EEA1: variants seen among roughly 807,000 people sequenced by gnomAD.
The protein encoded by EEA1 is early endosome antigen 1.
In EEA1, 111 loss-of-function variants were observed where a neutral mutation model predicts 209.2. The ratio of observed to expected loss-of-function variants is 0.53; its 90% confidence interval spans 0.45 to 0.62. The LOEUF is 0.62. Among genes scored for constraint, EEA1 ranks in the 20% least tolerant of loss-of-function variants. EEA1 has a pLI of 0.00. For synonymous variants in EEA1, 536 were observed against 540.6 expected (o/e 0.99, Z 0.12); for missense variants, 1,343 against 1,530.8 (o/e 0.88, Z 2.05).
At position 92,857,457 on chromosome 12, in the gene EEA1, C is replaced by T; in HGVS notation, c.274G>A (p.Val92Ile). The T allele has an allele frequency of 6.3e-7, 1 of 1,597,644 alleles. No homozygotes were observed. Among genetic ancestry groups the T allele is most frequent in the East Asian group, 2.2e-5 (1 of 44,468 alleles). ...TTAAGTGAAGCCTGTAGGTCTTGGACCTCTTGTCTGAGCAGTGTTACATCA... is the reference window on the plus strand; with the variant it reads ...TTAAGTGAAGCCTGTAGGTCTTGGATCTCTTGTCTGAGCAGTGTTACATCA... ...RDDVTLLRQE[V>I]QDLQASLKEE... is the part of the protein sequence containing the mutation. Residue 92 changes from valine (V) to isoleucine (I), a missense_variant, in exon 4 of 29, where the codon GTC becomes ATC. Val to Ile is a conservative substitution (Grantham distance 29, BLOSUM62 3). Coordinates refer to ENST00000322349, the MANE Select transcript of EEA1 (RefSeq NM_003566.4).
intron 20 of EEA1, among the ~76,000 whole-genome samples, chr12:92,800,082 C>A (rs565228555): frequency 6.6e-6 from 1 of 150,738 alleles, no homozygotes; most frequent in African/African-American, 2.4e-5. Flanking sequence ...ATTAGCCAGG[C>A]GTGGTGGCAG....
At chr12:92,803,027 GA>G (rs1294570186) in intron 18 of EEA1, among the ~76,000 whole-genome samples, 1 of 151,666 alleles carries the variant, frequency 6.6e-6, no homozygotes, top group Non-Finnish European at 1.5e-5. Context: ...TAATCCCGAG[GA>G]AAAAAACTAT....
At chr12:92,874,265 A>T (rs1475734116) in intron 2 of EEA1, among the ~76,000 whole-genome samples, 1 of 152,156 alleles carries the variant, frequency 6.6e-6, no homozygotes, top group Non-Finnish European at 1.5e-5. Context: ...GGGCTGCGGT[A>T]GCCATGTTCA....
At chr12:92,836,979 G>A (rs1424751618) in intron 10 of EEA1, among the ~76,000 whole-genome samples, 1 of 151,984 alleles carries the variant, frequency 6.6e-6, no homozygotes, top group African/African-American at 2.4e-5. Flanking sequence ...AAATTAGCCA[G>A]GCGTGGTGGT....
chr12:92,806,067 C>T (rs1339408360), intron 18 of EEA1, among the ~76,000 whole-genome samples: 1 of 151,178 alleles, frequency 6.6e-6, no homozygotes, highest in Non-Finnish European at 1.5e-5. Context: ...AAGTGGGTAA[C>T]TGAAAAAAAG....
intron 2 of EEA1, among the ~76,000 whole-genome samples, chr12:92,865,978 A>G (rs1320460721): frequency 1.3e-5 from 2 of 150,426 alleles, no homozygotes; most frequent in African/African-American, 2.4e-5. Flanking sequence ...CGAACTCCTG[A>G]CCTCAGGTGA....
At position 92,816,221 on chromosome 12, in the gene EEA1, C is replaced by A. The variant is rs1194761019; in HGVS notation, c.1908G>T (p.Lys636Asn). Residue 636 changes from lysine (K) to asparagine (N), a missense_variant, in exon 15 of 29, where the codon AAG (lysine) becomes AAT (asparagine). Transcript: ENST00000322349. ...LNSQLNESKE[K>N]VSQLDIQIKA... Reference sequence around the variant, plus strand: ...TTACCTGTATGTCAAGCTGGGAGACCTTCTCCTTGCTTTCATTTAATTGAC... The same window carrying A: ...TTACCTGTATGTCAAGCTGGGAGACATTCTCCTTGCTTTCATTTAATTGAC... The A allele has an allele frequency of 1.2e-6, 2 of 1,613,398 alleles. No individual in the cohort carries two copies. Among genetic ancestry groups the A allele is most frequent in the Non-Finnish European group, 1.7e-6 (2 of 1,179,690 alleles).
At chr12:92,785,837 T>C (rs1874107647) in intron 22 of EEA1, among the ~76,000 whole-genome samples, 1 of 152,176 alleles carries the variant, frequency 6.6e-6, no homozygotes, top group African/African-American at 2.4e-5. Context: ...TATGGCAGCC[T>C]TGTCCCTCAG....
intron 11 of EEA1, among the ~76,000 whole-genome samples, chr12:92,828,412 C>T (rs1427494673): frequency 6.6e-6 from 1 of 152,020 alleles, no homozygotes; most frequent in East Asian, 1.9e-4. Flanking sequence ...TTAGTACACA[C>T]TCAGATCTAT....
chr12:92,823,776 T>A (rs527321312), intron 13 of EEA1, among the ~76,000 whole-genome samples: 1 of 152,218 alleles, frequency 6.6e-6, no homozygotes, highest in Non-Finnish European at 1.5e-5. Flanking sequence ...GTCCCTGCTG[T>A]TCCCTCAGTT....
At chr12:92,787,184 CA>C (rs1203208430) in intron 22 of EEA1, among the ~76,000 whole-genome samples, 1 of 152,034 alleles carries the variant, frequency 6.6e-6, no homozygotes, top group Non-Finnish European at 1.5e-5. Flanking sequence ...AGGAAAGAAA[CA>C]GATAAAGCAT....
chr12:92,909,719 A>G (rs1404322547), intron 1 of EEA1, among the ~76,000 whole-genome samples: 2 of 152,226 alleles, frequency 1.3e-5, no homozygotes, highest in African/African-American at 2.4e-5. Flanking sequence ...TGGCTTTGTT[A>G]TAAAGACAAG....
At position 92,802,455 on chromosome 12, in the gene EEA1, T is replaced by G. The variant is rs1470760546; in HGVS notation, c.2619A>C (p.Lys873Asn). The change falls in exon 19 of 29, where the codon AAA becomes AAC. Residue 873 changes from lysine to asparagine, a missense_variant. Coordinates refer to ENST00000322349, the MANE Select transcript of EEA1 (RefSeq NM_003566.4). ...TCTGATTCTCCTTTTCAAATTCACT[T>G]TTAGAGTTTTTCAAAGAATCAGAAA... ...SKVSDSLKNS[K>N]SEFEKENQKG... The G allele has an allele frequency of 6.3e-7, 1 of 1,582,048 alleles. No individual in the cohort carries two copies.
At chr12:92,838,539 A>C (rs544048506) in intron 10 of EEA1, among the ~76,000 whole-genome samples, 13 of 152,314 alleles carry the variant, frequency 8.5e-5, no homozygotes, top group Middle Eastern at 3.4e-3. Flanking sequence ...CTAGAGGTTT[A>C]CTAGGGAAAA....
At chr12:92,842,927 T>A (rs1169936697) in intron 9 of EEA1, among the ~76,000 whole-genome samples, 1 of 152,230 alleles carries the variant, frequency 6.6e-6, no homozygotes, top group Non-Finnish European at 1.5e-5. Context: ...GCCAGTTATA[T>A]CTACATTTCC....
chr12:92,879,998 G>C (rs1879066708), intron 2 of EEA1, among the ~76,000 whole-genome samples: 1 of 152,226 alleles, frequency 6.6e-6, no homozygotes, highest in South Asian at 2.1e-4. Flanking sequence ...AGGCACCCCA[G>C]ACTCTTGATA....
chr12:92,903,457 GCGTGGTGGC>G (rs1439329497), intron 1 of EEA1, among the ~76,000 whole-genome samples: 1 of 151,572 alleles, frequency 6.6e-6, no homozygotes, highest in Non-Finnish European at 1.5e-5. Flanking sequence ...AATTAGCCAG[GCGTGGTGGC>G]ACGTGCCTGT....
chr12:92,901,799 C>T (rs1244323322), intron 1 of EEA1, among the ~76,000 whole-genome samples: 1 of 152,042 alleles, frequency 6.6e-6, no homozygotes. Context: ...AAACTCCTGA[C>T]ATCAGATGAT....
At chr12:92,864,654 C>A (rs182015599) in intron 3 of EEA1, among the ~76,000 whole-genome samples, 1 of 151,920 alleles carries the variant, frequency 6.6e-6, no homozygotes, top group Non-Finnish European at 1.5e-5. Flanking sequence ...ACCTATGTAC[C>A]GTATTGTACT....
Sources: allele counts gnomAD v4.1 joint callset (sites outside exome capture counted in the v4.1 genomes callset), GRCh38; gene constraint gnomAD v4.1.1; transcripts MANE v1.5; gene names NCBI Gene and HGNC (gene_info 2026-07-23, HGNC 2026-07-21).